ASTN2: variants seen among roughly 807,000 people sequenced by gnomAD.
ASTN2 encodes astrotactin 2.
ASTN2 carries 54 observed loss-of-function variants against 139.8 expected under a neutral mutation model. That is an observed-to-expected ratio of 0.39 (90% CI 0.31 to 0.48). ASTN2 has a LOEUF of 0.48. Ranked by LOEUF, ASTN2 falls within the 20% of genes least tolerant of loss-of-function variation. ASTN2 has a pLI of 0.95. For missense variants in ASTN2, 1,565 were observed against 1,725.1 expected (o/e 0.91, Z 1.64); for synonymous variants, 756 against 719.5 (o/e 1.05, Z -0.81).
chr9:116,784,674 A>G (rs1438837131), intron 13 of ASTN2, among the ~76,000 whole-genome samples: 1 of 152,136 alleles, frequency 6.6e-6, no homozygotes, highest in Non-Finnish European at 1.5e-5. Flanking sequence ...TCATGCCTGT[A>G]ATCCCAGCAC....
At chr9:116,962,809 G>A (rs1055662381) in intron 10 of ASTN2, among the ~76,000 whole-genome samples, 1 of 152,146 alleles carries the variant, frequency 6.6e-6, no homozygotes, top group African/African-American at 2.4e-5. Flanking sequence ...ATTTTGATAG[G>A]ACTGTTTTGA....
intron 4 of ASTN2, among the ~76,000 whole-genome samples, chr9:117,118,500 A>C (rs1408638523): frequency 6.6e-6 from 1 of 152,202 alleles, no homozygotes; most frequent in Non-Finnish European, 1.5e-5. Flanking sequence ...ATTTTACCAC[A>C]AAATGGGCTT....
chr9:116,644,517 A>G (rs1857495627), intron 17 of ASTN2, among the ~76,000 whole-genome samples: 1 of 152,166 alleles, frequency 6.6e-6, no homozygotes, highest in African/African-American at 2.4e-5. Context: ...AAAATAAAAG[A>G]TATTTCCAAG....
intron 20 of ASTN2, among the ~76,000 whole-genome samples, chr9:116,481,066 T>A (rs999149383): frequency 1.3e-5 from 2 of 152,184 alleles, no homozygotes; most frequent in African/African-American, 4.8e-5. Flanking sequence ...ATGAAATAGA[T>A]CCTATTATGA....
chr9:117,201,908 CT>C (rs1831735729), intron 3 of ASTN2, among the ~76,000 whole-genome samples: 1 of 152,120 alleles, frequency 6.6e-6, no homozygotes, highest in African/African-American at 2.4e-5. Context: ...AATTTTCTGT[CT>C]CGTTGATCTG....
chr9:116,943,145 C>A (rs894795679), intron 10 of ASTN2, among the ~76,000 whole-genome samples: 1 of 152,128 alleles, frequency 6.6e-6, no homozygotes, highest in African/African-American at 2.4e-5. Flanking sequence ...TTCTAAACAT[C>A]AAGGAGCTCA....
At chr9:117,054,010 A>C (rs1376080646) in intron 5 of ASTN2, among the ~76,000 whole-genome samples, 1 of 151,308 alleles carries the variant, frequency 6.6e-6, no homozygotes, top group African/African-American at 2.4e-5. Flanking sequence ...TAGTGGGGGA[A>C]TATAAGAGAG....
intron 19 of ASTN2, among the ~76,000 whole-genome samples, chr9:116,509,483 C>G (rs1850269618): frequency 6.6e-6 from 1 of 152,158 alleles, no homozygotes; most frequent in South Asian, 2.1e-4. Context: ...GTGCATGTGT[C>G]TTTATAGCAG....
intron 13 of ASTN2, among the ~76,000 whole-genome samples, chr9:116,767,475 C>G (rs1049767138): frequency 6.6e-6 from 1 of 152,156 alleles, no homozygotes; most frequent in African/African-American, 2.4e-5. Context: ...GCAGGCCTGA[C>G]AAAACATTTC....
chr9:117,370,843 T>C (rs1312326088), intron 1 of ASTN2, among the ~76,000 whole-genome samples: 1 of 152,126 alleles, frequency 6.6e-6, no homozygotes, highest in Non-Finnish European at 1.5e-5. Context: ...CCTAAGTAGC[T>C]GGGATACAGG....
At chr9:117,234,976 G>A (rs113930548) in intron 2 of ASTN2, among the ~76,000 whole-genome samples, 9,841 of 152,298 alleles carry the variant, frequency 0.065, 1,113 homozygotes, top group African/African-American at 0.22. Context: ...GCTCACGCCT[G>A]TAATCCCAGC....
rs559744426 is a variant in ASTN2, at chr9:116,590,056, C to A, written c.3355+28268G>T. Among the ~76,000 whole-genome samples, 5 of 152,322 alleles carry A rather than the reference C, an allele frequency of 3.3e-5. No individual in the cohort carries two copies. In the East Asian group the frequency reaches 7.7e-4, roughly 24 times the overall value. On this transcript the variant is annotated intron_variant, in intron 19 of 22. Transcript: ENST00000313400. ...GGCAGCCCATATGAAGCGGCCACTG[C>A]AAAGACACCGGCTGCAGCAGGGGAG...
rs143295727 is a variant in ASTN2, at chr9:116,573,013, G to GCACACACACA, written c.3355+45301_3355+45310dup. 3.2e-3 allele frequency among the ~76,000 whole-genome samples: 439 copies of GCACACACACA among 136,958 alleles called. 2 individuals are homozygous for GCACACACACA. The highest frequency in any genetic ancestry group is 0.012 in the African/African-American group (424 of 35,132). The allele number at this position is 136,958 out of a possible 152,430, so 89.8% of individuals were successfully genotyped here. A position where few individuals can be genotyped will look rare whatever the true frequency, so the allele number is the denominator to read the frequency against. ...CATGCGTGCACACATGTGGGTACAT[G>GCACACACACA]CACACACACACACACACACACATAT... On this transcript the variant is annotated intron_variant, in intron 19 of 22. Coordinates refer to ENST00000313400, the MANE Select transcript of ASTN2 (RefSeq NM_001365068.1).
intron 6 of ASTN2, among the ~76,000 whole-genome samples, chr9:117,021,307 A>G (rs7874684): frequency 0.21 from 31,474 of 152,118 alleles, 3,456 homozygotes; most frequent in South Asian, 0.35. Context: ...TATGGGATAC[A>G]TAGGACATTT....
At chr9:117,180,808 T>G in intron 3 of ASTN2, 1 of 1,544,570 alleles carries the variant, frequency 6.5e-7, no homozygotes, top group South Asian at 1.1e-5. Flanking sequence ...GTCTTCAAAT[T>G]CATCAACATT....
chr9:117,249,496 G>C (rs1396665860), intron 2 of ASTN2, among the ~76,000 whole-genome samples: 1 of 152,094 alleles, frequency 6.6e-6, no homozygotes, highest in African/African-American at 2.4e-5. Flanking sequence ...TTTTGTAGCA[G>C]AACCCTTTGT....
intron 19 of ASTN2, among the ~76,000 whole-genome samples, chr9:116,533,353 T>C (rs189413102): frequency 2.6e-4 from 39 of 152,300 alleles, no homozygotes; most frequent in Admixed American, 2.5e-3. Context: ...ACCCTTTATT[T>C]CTTTCTCCTG....
At chr9:116,715,129 T>G (rs140967202) in intron 16 of ASTN2, among the ~76,000 whole-genome samples, 1 of 148,440 alleles carries the variant, frequency 6.7e-6, no homozygotes, top group Non-Finnish European at 1.5e-5. Context: ...AAGAATCATG[T>G]GAGATCTAAA....
At chr9:117,000,420 A>G (rs1039400919) in intron 7 of ASTN2, among the ~76,000 whole-genome samples, 1 of 152,198 alleles carries the variant, frequency 6.6e-6, no homozygotes, top group African/African-American at 2.4e-5. Flanking sequence ...TTCCGCTGTC[A>G]TTTGCTTTAT....
Sources: allele counts gnomAD v4.1 joint callset (sites outside exome capture counted in the v4.1 genomes callset), GRCh38; gene constraint gnomAD v4.1.1; transcripts MANE v1.5; gene names NCBI Gene and HGNC (gene_info 2026-07-23, HGNC 2026-07-21).